CEP83: variants seen among roughly 807,000 people sequenced by gnomAD.
CEP83 encodes centrosomal protein of 83 kDa.
In CEP83, 70 loss-of-function variants were observed where a neutral mutation model predicts 101.9. The observed-to-expected ratio is 0.69, with a 90% CI of 0.57 to 0.84. The LOEUF is 0.84. Among genes scored for constraint, CEP83 ranks in the 40% least tolerant of loss-of-function variants. The pLI is 0.00. For missense variants in CEP83, 715 were observed against 787.2 expected (o/e 0.91, Z 1.10); for synonymous variants, 264 against 267.9 (o/e 0.99, Z 0.14).
rs1186655285 is a variant in CEP83, at chr12:94,370,816, C to T, written c.934-780G>A. On this transcript the variant is annotated intron_variant, in intron 8 of 16. Coordinates refer to ENST00000397809, the MANE Select transcript of CEP83 (RefSeq NM_016122.3). The stretch of plus-strand genomic sequence containing the variant: ...CCAGCCTGGGCAACATAGTGAGATC[C>T]TTTCTCTAAAAAAAAATTTAAAAAT... 2.8e-4 allele frequency among the ~76,000 whole-genome samples: 43 copies of T among 151,534 alleles called. 1 individual carries two copies. The highest frequency in any genetic ancestry group is 2.8e-3 in the Admixed American group (43 of 15,188).
At chr12:94,270,060 T>A in the CEP83 span, among the ~76,000 whole-genome samples, 1 of 152,248 alleles carries the variant, frequency 6.6e-6, no homozygotes, top group Admixed American at 6.5e-5. Context: ...CAAATGTGAC[T>A]CTATTATGTT....
chr12:94,296,653 A>G, the CEP83 span, among the ~76,000 whole-genome samples: 1 of 152,234 alleles, frequency 6.6e-6, no homozygotes, highest in African/African-American at 2.4e-5. Context: ...CAATTTGCCT[A>G]GCTGACTCTA....
chr12:94,367,729 C>T (rs2061091681), intron 11 of CEP83, 65 bp downstream of exon 11: 1 of 1,190,958 alleles, frequency 8.4e-7, no homozygotes, highest in Non-Finnish European at 1.2e-6. Context: ...ACTAGTTGTA[C>T]ATCATTTTGT....
chr12:94,343,469 A>ATTTTTTTTT (rs1385057536), intron 11 of CEP83, among the ~76,000 whole-genome samples: 3 of 126,164 alleles, frequency 2.4e-5, no homozygotes, highest in Non-Finnish European at 5.0e-5. Context: ...CTAGAAATTA[A>ATTTTTTTTT]CTTTTTTTTT....
intron 5 of CEP83, 39 bp downstream of exon 5, chr12:94,403,131 A>G (rs748543889): frequency 2.5e-5 from 26 of 1,021,696 alleles, no homozygotes; most frequent in Non-Finnish European, 3.5e-5. Context: ...CTTTGATCCC[A>G]TGAGGATAAA....
downstream of CEP83, chr12:94,305,236 T>C: frequency 6.2e-7 from 1 of 1,611,770 alleles, no homozygotes; most frequent in South Asian, 1.1e-5. Flanking sequence ...AAACAACTCT[T>C]GCATGTAAAA....
chr12:94,418,180 G>T (rs1464228725), intron 2 of CEP83, among the ~76,000 whole-genome samples: 3 of 152,046 alleles, frequency 2.0e-5, no homozygotes, highest in Non-Finnish European at 2.9e-5. Context: ...TGGCCAACAT[G>T]GTGAAACCCT....
chr12:94,431,830 T>C (rs1473028999), intron 2 of CEP83, among the ~76,000 whole-genome samples: 1 of 152,176 alleles, frequency 6.6e-6, no homozygotes, highest in African/African-American at 2.4e-5. Context: ...TATATGCTGC[T>C]GGTAGGAATG....
chr12:94,372,734 C>T (rs569843753), intron 8 of CEP83, among the ~76,000 whole-genome samples: 5 of 152,166 alleles, frequency 3.3e-5, no homozygotes, highest in African/African-American at 9.6e-5. Flanking sequence ...GAAAGAACAC[C>T]GAATAGGAAG....
At chr12:94,433,800 C>T (rs73370400) in intron 2 of CEP83, among the ~76,000 whole-genome samples, 1,978 of 152,086 alleles carry the variant, frequency 0.013, 55 homozygotes, top group African/African-American at 0.042. Flanking sequence ...AGTTAAAAGG[C>T]CTATCAGGAA....
rs558844286 is a variant in CEP83 at position 94,418,235 on chromosome 12, G to A, written c.-101-5644C>T. On this transcript the variant is annotated intron_variant, in intron 2 of 16. Transcript: ENST00000397809. The stretch of plus-strand genomic sequence containing the variant: ...AAATTAGCCAGGTGATGTGGCATGC[G>A]CCTGTAGTCCAGCTACTCAGGAGGC... Among the ~76,000 whole-genome samples the A allele has an allele frequency of 7.2e-5, 11 of 151,974 alleles. No homozygotes were observed. In the South Asian group the frequency reaches 1.9e-3, roughly 26 times the overall value.
chr12:94,338,952 AC>A (rs2136586571), intron 11 of CEP83, among the ~76,000 whole-genome samples: 1 of 151,622 alleles, frequency 6.6e-6, no homozygotes, highest in East Asian at 1.9e-4. Context: ...ACTGATATAT[AC>A]TATTTCTTTT....
chr12:94,459,985 AC>A (rs1320302561), upstream of CEP83: 1 of 152,076 alleles, frequency 6.6e-6, no homozygotes, highest in Non-Finnish European at 1.5e-5. Context: ...AGGAAGTCCC[AC>A]CCCCCACGCC....
chr12:94,432,631 G>A (rs1360304279), intron 2 of CEP83, among the ~76,000 whole-genome samples: 1 of 152,138 alleles, frequency 6.6e-6, no homozygotes, highest in Non-Finnish European at 1.5e-5. Flanking sequence ...GTTGCTTAAT[G>A]AATACAGATA....
At chr12:94,334,533 G>A (rs1307624657) in intron 12 of CEP83, among the ~76,000 whole-genome samples, 1 of 152,064 alleles carries the variant, frequency 6.6e-6, no homozygotes, top group African/African-American at 2.4e-5. Flanking sequence ...GCCATTTTCT[G>A]AAGACATTTC....
At chr12:94,372,261 C>T (rs1281378912) in intron 8 of CEP83, among the ~76,000 whole-genome samples, 1 of 152,154 alleles carries the variant, frequency 6.6e-6, no homozygotes, top group Non-Finnish European at 1.5e-5. Context: ...CGTTAAGCCA[C>T]CACACCTGGC....
intron 8 of CEP83, among the ~76,000 whole-genome samples, chr12:94,374,156 G>C (rs2061420666): frequency 6.6e-6 from 1 of 152,138 alleles, no homozygotes; most frequent in African/African-American, 2.4e-5. Context: ...TAAGAGGAAA[G>C]AGCAATAGGG....
At chr12:94,356,785 G>A (rs746489080) in intron 11 of CEP83, among the ~76,000 whole-genome samples, 21 of 152,208 alleles carry the variant, frequency 1.4e-4, no homozygotes, top group Admixed American at 2.6e-4. Flanking sequence ...CTCCTGCTCA[G>A]TTCTTACAAT....
At chr12:94,268,251 G>C in the CEP83 span, among the ~76,000 whole-genome samples, 1 of 152,144 alleles carries the variant, frequency 6.6e-6, no homozygotes, top group African/African-American at 2.4e-5. Context: ...GAACATAAAG[G>C]CATCTTGCCA....
Sources: gnomAD v4.1 joint callset for allele counts (sites outside exome capture counted in the v4.1 genomes callset) on GRCh38, gnomAD v4.1.1 for gene constraint, MANE v1.5 for transcripts, NCBI Gene and HGNC (gene_info 2026-07-23, HGNC 2026-07-21) for gene names.